Variants in MEIKIN observed in about 807,000 individuals in gnomAD.
MEIKIN encodes the protein meiotic kinetochore factor, also known as meiosis-specific kinetochore protein.
At chr5:131,905,871 A>G (rs962511553) in intron 8 of MEIKIN, among the ~76,000 whole-genome samples, 2 of 152,206 alleles carry the variant, frequency 1.3e-5, no homozygotes, top group Non-Finnish European at 2.9e-5. Context: ...ATAAACAGAA[A>G]TTAACTCAAG....
intron 8 of MEIKIN, among the ~76,000 whole-genome samples, chr5:131,883,993 C>G (rs911992380): frequency 6.6e-6 from 1 of 152,172 alleles, no homozygotes; most frequent in Non-Finnish European, 1.5e-5. Context: ...AAAGGGAAAT[C>G]GCCCATTCCA....
At chr5:131,851,858 T>C (rs961317004) in intron 10 of MEIKIN, among the ~76,000 whole-genome samples, 1 of 152,216 alleles carries the variant, frequency 6.6e-6, no homozygotes, top group Non-Finnish European at 1.5e-5. Context: ...ACCAACACTA[T>C]GCCATTTTAC....
chr5:131,934,695 T>A (rs1751744680), intron 4 of MEIKIN, among the ~76,000 whole-genome samples: 1 of 152,138 alleles, frequency 6.6e-6, no homozygotes, highest in Admixed American at 6.5e-5. Context: ...AAAAGATTCA[T>A]AAAACAATAG....
chr5:131,815,337 T>C (rs996233479), intron 12 of MEIKIN, among the ~76,000 whole-genome samples: 1 of 152,218 alleles, frequency 6.6e-6, no homozygotes, highest in African/African-American at 2.4e-5. Flanking sequence ...TCCAGAGGGC[T>C]ATATATATGC....
intron 8 of MEIKIN, among the ~76,000 whole-genome samples, chr5:131,886,989 C>G (rs10038628): frequency 0.074 from 10,066 of 135,798 alleles, 773 homozygotes; most frequent in African/African-American, 0.2. Context: ...CCCAGCTCCC[C>G]ATCCCCTGAC....
At chr5:131,836,695 G>A (rs181952520) in intron 11 of MEIKIN, among the ~76,000 whole-genome samples, 17 of 148,596 alleles carry the variant, frequency 1.1e-4, no homozygotes, top group East Asian at 3.9e-4. Flanking sequence ...CATGTATGTC[G>A]TCTTCTTAAA....
At chr5:131,862,506 A>T (rs1232158449) in intron 9 of MEIKIN, among the ~76,000 whole-genome samples, 1 of 151,870 alleles carries the variant, frequency 6.6e-6, no homozygotes, top group African/African-American at 2.4e-5. Context: ...TTGCTTCTCT[A>T]ATTCCTTAAA....
In MEIKIN at chr5:131,902,402, T is replaced by C. The variant is rs1429408525; in HGVS notation, c.703+9413A>G. ...AAGCCAAGATGGTGTCACTGCACTCTAGCCTGGGTGACAGAGTGAGATCTT... is the reference window on the plus strand; with the variant it reads ...AAGCCAAGATGGTGTCACTGCACTCCAGCCTGGGTGACAGAGTGAGATCTT... On this transcript the variant is annotated intron_variant, in intron 8 of 12. Coordinates refer to ENST00000442687, the MANE Select transcript of MEIKIN (RefSeq NM_001303622.2). Among the ~76,000 whole-genome samples, 3 of 151,932 alleles carry C rather than the reference T, an allele frequency of 2.0e-5. No homozygotes were observed. In the East Asian group the frequency reaches 5.8e-4, roughly 29 times the overall value.
In MEIKIN at chr5:131,911,817, G is replaced by C. The variant is rs1751338548; in HGVS notation, c.701C>G (p.Ser234Ter). 5.0e-6 allele frequency: 2 copies of C among 397,484 alleles called. No individual in the cohort carries two copies. The highest frequency in any genetic ancestry group is 8.9e-6 in the Non-Finnish European group (2 of 225,150). The allele number at this position is 397,484 out of a possible 1,614,324, so 24.6% of individuals were successfully genotyped here. The change falls in exon 8 of 13, where the codon TCA becomes TGA. Residue 234 changes from serine to a stop codon, truncating the protein, a stop_gained and splice_region_variant. Coordinates refer to ENST00000442687, the MANE Select transcript of MEIKIN (RefSeq NM_001303622.2). LOFTEE classifies it high-confidence loss of function. The stretch of plus-strand genomic sequence containing the variant: ...TAATTAGTTTCATTATTTGTTACCT[G>C]ATTCTGAATTTGAAGCACACTTTGC... ...PKAKCASNSE[S>*]DNAACEILLA...
chr5:131,854,050 T>C (rs933244607), intron 10 of MEIKIN, among the ~76,000 whole-genome samples: 5 of 152,218 alleles, frequency 3.3e-5, no homozygotes, highest in Non-Finnish European at 7.3e-5. Flanking sequence ...CCCATGTTCA[T>C]AGCAGCATTA....
At chr5:131,864,976 C>G (rs1750358484) in intron 9 of MEIKIN, among the ~76,000 whole-genome samples, 1 of 152,114 alleles carries the variant, frequency 6.6e-6, no homozygotes, top group Admixed American at 6.5e-5. Flanking sequence ...TTCTGAGATT[C>G]TTTCCTCTGT....
At chr5:131,936,012 A>T (rs1751770400) in intron 4 of MEIKIN, among the ~76,000 whole-genome samples, 1 of 152,036 alleles carries the variant, frequency 6.6e-6, no homozygotes, top group Admixed American at 6.5e-5. Flanking sequence ...TCCCATCCAC[A>T]TATTGTATCT....
intron 9 of MEIKIN, among the ~76,000 whole-genome samples, chr5:131,863,557 C>CTTTTTTTTTTTTTTTTTTTTTTT (rs59435888): frequency 1.5e-5 from 1 of 68,434 alleles, no homozygotes; most frequent in African/African-American, 7.8e-5. Context: ...CTTCTTTGTC[C>CTTTTTTTTTTTTTTTTTTTTTTT]TTTTTTTTTT....
intron 5 of MEIKIN, among the ~76,000 whole-genome samples, chr5:131,922,378 C>T (rs1751519670): frequency 6.7e-6 from 1 of 148,964 alleles, no homozygotes; most frequent in African/African-American, 2.5e-5. Flanking sequence ...CATATACAGC[C>T]TTTTTTTTTT....
chr5:131,812,293 T>C (rs1192264968), intron 12 of MEIKIN, among the ~76,000 whole-genome samples: 4 of 152,228 alleles, frequency 2.6e-5, no homozygotes, highest in Non-Finnish European at 4.4e-5. Flanking sequence ...GAATATACCA[T>C]AGTTGATCCA....
At chr5:131,914,844 A>G (rs965511279) in intron 7 of MEIKIN, among the ~76,000 whole-genome samples, 11 of 152,146 alleles carry the variant, frequency 7.2e-5, no homozygotes, top group African/African-American at 2.7e-4. Context: ...TTCTCCCTCA[A>G]GGCCCAAATA....
At chr5:131,869,825 T>C (rs1358336383) in intron 9 of MEIKIN, among the ~76,000 whole-genome samples, 1 of 152,230 alleles carries the variant, frequency 6.6e-6, no homozygotes, top group Non-Finnish European at 1.5e-5. Context: ...ATGGTTCCCA[T>C]GGAGGTTTCT....
rs1383909130 is a variant in MEIKIN, at chr5:131,809,821, A to AC, written c.1100-2564_1100-2563insG. ...CAAAAAACAAGCAAACAAACGAACA[A>AC]AAAAAAAAAAACAAACAAAACCAAA... On this transcript the variant is annotated intron_variant, in intron 12 of 12. Coordinates refer to ENST00000442687, the MANE Select transcript of MEIKIN (RefSeq NM_001303622.2). 3.0e-4 allele frequency among the ~76,000 whole-genome samples: 45 copies of AC among 149,956 alleles called. 1 individual carries two copies. The highest frequency in any genetic ancestry group is 1.7e-3 in the Admixed American group (26 of 15,080).
chr5:131,840,262 A>G (rs1364025526), intron 11 of MEIKIN, among the ~76,000 whole-genome samples: 3 of 152,100 alleles, frequency 2.0e-5, no homozygotes, highest in Admixed American at 1.3e-4. Context: ...TTTGTGGGTG[A>G]CCTGACCTTT....
Sources: allele counts gnomAD v4.1 joint callset (sites outside exome capture counted in the v4.1 genomes callset), GRCh38; gene constraint gnomAD v4.1.1; transcripts MANE v1.5; gene names NCBI Gene and HGNC (gene_info 2026-07-23, HGNC 2026-07-21).